VKORC1L1: variants seen among roughly 807,000 people sequenced by gnomAD.
VKORC1L1 encodes vitamin K epoxide reductase complex subunit 1-like protein 1.
VKORC1L1 carries 2 observed loss-of-function variants against 18.9 expected under a neutral mutation model. The observed-to-expected ratio is 0.11, with a 90% CI of 0.04 to 0.33. The LOEUF (loss-of-function observed/expected upper bound fraction) is 0.33, where lower values mean the gene tolerates loss of function less well. Ranked by LOEUF, VKORC1L1 falls within the 10% of genes least tolerant of loss-of-function variation. The pLI, the probability that VKORC1L1 is intolerant of heterozygous loss-of-function variation, is 1.00. For synonymous variants in VKORC1L1, 96 were observed against 100.0 expected, an observed-to-expected ratio of 0.96 and a Z score of 0.24; for missense variants, 123 against 224.1, an observed-to-expected ratio of 0.55 and a Z score of 2.88.
intron 1 of VKORC1L1, among the ~76,000 whole-genome samples, chr7:65,911,795 A>T (rs1302947233): frequency 6.6e-6 from 1 of 152,186 alleles, no homozygotes; most frequent in Non-Finnish European, 1.5e-5. Flanking sequence ...ATTCATAACA[A>T]ATAATTCATA....
At chr7:65,890,882 C>G (rs1485943967) in intron 1 of VKORC1L1, among the ~76,000 whole-genome samples, 1 of 152,104 alleles carries the variant, frequency 6.6e-6, no homozygotes, top group African/African-American at 2.4e-5. Context: ...AGTATTTTAC[C>G]TATAAATGTA....
At chr7:65,949,800 A>G (rs994383554) in intron 2 of VKORC1L1, among the ~76,000 whole-genome samples, 8 of 152,190 alleles carry the variant, frequency 5.3e-5, no homozygotes, top group African/African-American at 1.9e-4. Context: ...TAATAATTTA[A>G]TGTGAACTGT....
chr7:65,871,034 C>T (rs1353200946), upstream of VKORC1L1, among the ~76,000 whole-genome samples: 1 of 152,192 alleles, frequency 6.6e-6, no homozygotes, highest in Non-Finnish European at 1.5e-5. Flanking sequence ...AATCCTCCTG[C>T]CTCAGCCTCT....
chr7:65,893,818 G>A (rs1264703683), intron 1 of VKORC1L1, among the ~76,000 whole-genome samples: 1 of 152,198 alleles, frequency 6.6e-6, no homozygotes, highest in Non-Finnish European at 1.5e-5. Flanking sequence ...TTGATATCCA[G>A]TGGATAATAA....
At chr7:65,895,298 A>T (rs1450203576) in intron 1 of VKORC1L1, among the ~76,000 whole-genome samples, 2 of 151,690 alleles carry the variant, frequency 1.3e-5, no homozygotes, top group African/African-American at 4.8e-5. Context: ...GGCATAAAAT[A>T]ACTGTGCATC....
At chr7:65,942,671 G>GC (rs1473327226) in intron 1 of VKORC1L1, among the ~76,000 whole-genome samples, 2 of 151,878 alleles carry the variant, frequency 1.3e-5, no homozygotes, top group Non-Finnish European at 2.9e-5. Context: ...GATTACAGGC[G>GC]CCCGCCAGCA....
At position 65,873,250 on chromosome 7, in the gene VKORC1L1, GC is replaced by G; in HGVS notation, c.-121del. On this transcript the variant is annotated 5_prime_UTR_variant, in exon 1 of 3. Transcript: ENST00000360768. ...GAGCCAATGGGGCGCGGCGGCGGCG[GC>G]GGCGGTGGTGGCGGCGGCGGCGGAG... 1 of 977,984 alleles carries G rather than the reference GC, an allele frequency of 1.0e-6. No individual in the cohort carries two copies. The highest frequency in any genetic ancestry group is 1.2e-6 in the Non-Finnish European group (1 of 824,926). 60.6% of individuals were successfully genotyped at this position (977,984 alleles called of 1,614,324 possible). A position where few individuals can be genotyped will look rare whatever the true frequency, so the allele number is the denominator to read the frequency against.
At chr7:65,935,326 T>G (rs551543867) in intron 1 of VKORC1L1, among the ~76,000 whole-genome samples, 15 of 152,194 alleles carry the variant, frequency 9.9e-5, no homozygotes, top group African/African-American at 3.6e-4. Flanking sequence ...TTCTTTTTTT[T>G]TTGAGATGGA....
chr7:65,883,158 T>TTG (rs1788956225), intron 1 of VKORC1L1, among the ~76,000 whole-genome samples: 2 of 147,972 alleles, frequency 1.4e-5, no homozygotes, highest in African/African-American at 5.0e-5. Flanking sequence ...TTTTTTTTTT[T>TTG]GGAGATGGAG....
intron 1 of VKORC1L1, among the ~76,000 whole-genome samples, chr7:65,894,095 C>T (rs1280375526): frequency 6.6e-6 from 1 of 151,962 alleles, no homozygotes; most frequent in African/African-American, 2.4e-5. Flanking sequence ...GCTGGGATTA[C>T]AGGCACCTAC....
At chr7:65,886,180 A>G (rs977458115) in intron 1 of VKORC1L1, among the ~76,000 whole-genome samples, 2 of 152,184 alleles carry the variant, frequency 1.3e-5, no homozygotes, top group African/African-American at 4.8e-5. Flanking sequence ...CTTTTGGTCT[A>G]AAGAGACTTT....
At chr7:65,914,001 T>G (rs1189200624) in intron 1 of VKORC1L1, among the ~76,000 whole-genome samples, 1 of 152,106 alleles carries the variant, frequency 6.6e-6, no homozygotes, top group Non-Finnish European at 1.5e-5. Flanking sequence ...TTGACACACC[T>G]TAGACTCCAA....
intron 1 of VKORC1L1, among the ~76,000 whole-genome samples, chr7:65,875,578 C>T (rs547902599): frequency 9.2e-5 from 14 of 152,210 alleles, no homozygotes; most frequent in African/African-American, 3.1e-4. Context: ...CCACAACGCC[C>T]TGCTAATTTT....
At chr7:65,886,451 A>G (rs572838336) in intron 1 of VKORC1L1, among the ~76,000 whole-genome samples, 107 of 152,328 alleles carry the variant, frequency 7.0e-4, no homozygotes, top group African/African-American at 2.5e-3. Flanking sequence ...CTTTGAGGTA[A>G]TACGCAATTG....
chr7:65,877,813 T>A (rs1017468289), intron 1 of VKORC1L1, among the ~76,000 whole-genome samples: 4 of 152,158 alleles, frequency 2.6e-5, no homozygotes, highest in Admixed American at 6.5e-5. Context: ...GGTCTATGTA[T>A]AGAACATATA....
intron 1 of VKORC1L1, among the ~76,000 whole-genome samples, chr7:65,880,736 A>G (rs1183243201): frequency 6.6e-6 from 1 of 152,218 alleles, no homozygotes; most frequent in African/African-American, 2.4e-5. Flanking sequence ...TGAGAAGAAC[A>G]GCAAGTGGTC....
At chr7:65,866,957 G>A in the VKORC1L1 span, among the ~76,000 whole-genome samples, 94 of 152,152 alleles carry the variant, frequency 6.2e-4, no homozygotes, top group African/African-American at 2.2e-3. Flanking sequence ...TTCGGAGGCC[G>A]AGGTGGGCAG....
intron 1 of VKORC1L1, among the ~76,000 whole-genome samples, chr7:65,883,753 C>T (rs1184311855): frequency 1.3e-5 from 2 of 152,160 alleles, no homozygotes; most frequent in Non-Finnish European, 2.9e-5. Context: ...CCGCCTCGGC[C>T]TCCCAAAGTG....
chr7:65,942,584 C>G (rs961138498), intron 1 of VKORC1L1, among the ~76,000 whole-genome samples: 1 of 150,870 alleles, frequency 6.6e-6, no homozygotes, highest in African/African-American at 2.4e-5. Flanking sequence ...TTCACCTAGG[C>G]TGGAGTGCAG....
Sources: gnomAD v4.1 joint callset for allele counts (sites outside exome capture counted in the v4.1 genomes callset) on GRCh38, gnomAD v4.1.1 for gene constraint, MANE v1.5 for transcripts, NCBI Gene and HGNC (gene_info 2026-07-23, HGNC 2026-07-21) for gene names.